Variants in DLEC1 observed in about 807,000 individuals in gnomAD.
The protein encoded by DLEC1 is deleted in lung and esophageal cancer protein 1.
A neutral mutation model predicts 198.1 loss-of-function variants in DLEC1; 146 were observed. That is an observed-to-expected ratio of 0.74 (90% CI 0.64 to 0.85). DLEC1 has a LOEUF of 0.85. Ranked by LOEUF, DLEC1 falls within the 40% of genes least tolerant of loss-of-function variation. The pLI is 0.00. For missense variants in DLEC1, 2,233 were observed against 2,220.0 expected (o/e 1.01, Z -0.12); for synonymous variants, 897 against 866.8 (o/e 1.03, Z -0.61).
intron 6 of DLEC1, among the ~76,000 whole-genome samples, chr3:38,081,797 A>T (rs1434686081): frequency 3.7e-5 from 3 of 81,100 alleles, no homozygotes; most frequent in Non-Finnish European, 7.5e-5. Flanking sequence ...CGGGGGGCTG[A>T]CCCCCCCACC....
intron 6 of DLEC1, among the ~76,000 whole-genome samples, chr3:38,082,257 T>A (rs1698081890): frequency 8.0e-6 from 1 of 125,588 alleles, no homozygotes; most frequent in Non-Finnish European, 1.6e-5. Context: ...GAAGAGGCTC[T>A]CCTCACTTCC....
rs2125699435 is a variant in DLEC1, at chr3:38,097,652, G to A, written c.2565+15G>A. ...CTGTCTTTAAGGTGCTGCAGGTGGA[G>A]CTGGGCAGTGGGGTGGGCCCAGAGA... On this transcript the variant is annotated intron_variant, in intron 17 of 36. Coordinates refer to ENST00000308059, the MANE Select transcript of DLEC1 (RefSeq NM_007335.4). 2 of 1,614,172 alleles carry A rather than the reference G, an allele frequency of 1.2e-6. No homozygotes were observed. Among genetic ancestry groups the A allele is most frequent in the South Asian group, 2.2e-5 (2 of 91,080 alleles).
chr3:38,062,319 CA>C lies in DLEC1; in HGVS notation c.825del (p.Trp276GlyfsTer3). On this transcript the variant is annotated frameshift_variant, in exon 4 of 37. Transcript: ENST00000308059. LOFTEE classifies it high-confidence loss of function. ...DELDHTVDSL[T>X]WNLTPKAKER... ...TTAGACCACACTGTGGACAGCCTGACATGGAATTTAACTCCTAAGGCCAAAG... is the reference window on the plus strand; with the variant it reads ...TTAGACCACACTGTGGACAGCCTGACTGGAATTTAACTCCTAAGGCCAAAG... The C allele has an allele frequency of 6.2e-7, 1 of 1,614,220 alleles. No individual in the cohort carries two copies. The highest frequency in any genetic ancestry group is 8.5e-7 in the Non-Finnish European group (1 of 1,180,048).
intron 27 of DLEC1, among the ~76,000 whole-genome samples, chr3:38,115,831 G>A (rs1243608188): frequency 6.6e-6 from 1 of 152,064 alleles, no homozygotes; most frequent in African/African-American, 2.4e-5. Flanking sequence ...ACATTGTCAT[G>A]GTGCAGGCTG....
intron 5 of DLEC1, among the ~76,000 whole-genome samples, chr3:38,063,171 G>GTGCC (rs1478185241): frequency 6.6e-6 from 1 of 152,216 alleles, no homozygotes; most frequent in African/African-American, 2.4e-5. Context: ...TTCTTTAAGA[G>GTGCC]TGCCTTTGCC....
intron 2 of DLEC1, among the ~76,000 whole-genome samples, chr3:38,052,564 C>T (rs1701175324): frequency 6.6e-6 from 1 of 152,192 alleles, no homozygotes; most frequent in African/African-American, 2.4e-5. Context: ...ACCGCTGCCT[C>T]CTGTGAACAG....
chr3:38,093,370 T>C (rs1698839726), intron 11 of DLEC1, among the ~76,000 whole-genome samples: 1 of 150,808 alleles, frequency 6.6e-6, no homozygotes, highest in African/African-American at 2.4e-5. Flanking sequence ...TCTCCCTTCC[T>C]CATTAATTGA....
rs1696729839 is a variant in DLEC1, at chr3:38,062,300, C to T, written c.805C>T (p.His269Tyr). Residue 269 changes from histidine (H) to tyrosine (Y), a missense_variant, in exon 4 of 37, where the codon CAC (histidine) becomes TAC (tyrosine). By Grantham distance (83) the His-to-Tyr change is moderately conservative. Coordinates refer to ENST00000308059, the MANE Select transcript of DLEC1 (RefSeq NM_007335.4). ...KLAEFEDELD[H>Y]TVDSLTWNLT... ...TGCTGAGTTCGAAGATGAGTTAGAC[C>T]ACACTGTGGACAGCCTGACATGGAA... is the stretch of plus-strand genomic sequence containing the variant. The T allele has an allele frequency of 5.6e-6, 9 of 1,614,022 alleles. No individual in the cohort carries two copies. Among genetic ancestry groups the T allele is most frequent in the Non-Finnish European group, 6.8e-6 (8 of 1,180,036 alleles).
In DLEC1 at chr3:38,064,988, G is replaced by A. The variant is rs561967533; in HGVS notation, c.1173+1069G>A. ...AGCACTTTGGGAGGCCAAGGCAGGC[G>A]GCTGGGAGGTGGAGGTTGTAGCGAG... On this transcript the variant is annotated intron_variant, in intron 6 of 36. Transcript: ENST00000308059. Among the ~76,000 whole-genome samples, 84 of 152,318 alleles carry A rather than the reference G, an allele frequency of 5.5e-4. No individual in the cohort carries two copies. The East Asian group carries it at 0.015, about 27-fold the overall frequency.
chr3:38,058,987 T>C (rs1454889351), intron 2 of DLEC1, among the ~76,000 whole-genome samples: 2 of 152,208 alleles, frequency 1.3e-5, no homozygotes, highest in African/African-American at 4.8e-5. Flanking sequence ...GGAATACCTA[T>C]AAATAATGTT....
intron 4 of DLEC1, 34 bp downstream of exon 4, chr3:38,062,402 G>A: frequency 1.9e-6 from 3 of 1,613,022 alleles, no homozygotes; most frequent in Non-Finnish European, 2.5e-6. Context: ...GCAGTGTTTG[G>A]GGGGACAGAG....
In DLEC1 at chr3:38,100,330, T is replaced by C. The variant is rs376481047; in HGVS notation, c.2769T>C (p.Ser923=). The C allele has an allele frequency of 1.2e-6, 2 of 1,613,830 alleles. No individual in the cohort carries two copies. Among genetic ancestry groups the C allele is most frequent in the South Asian group, 2.2e-5 (2 of 91,056 alleles). Residue 923 remains serine, a synonymous_variant, in exon 19 of 37, where the codon TCT becomes TCC. Transcript: ENST00000308059. ...DIEPSSGQLH[S]LGECRVDITL... is the part of the protein sequence containing the mutation. The stretch of plus-strand genomic sequence containing the variant: ...AGCCTTCGAGTGGCCAGCTTCACTC[T>C]CTGGGGGAGTGCAGGGTGGACATCA...
Position 38,060,789 on chromosome 3 carries a change from G to A in DLEC1, c.673+937G>A, listed in dbSNP as rs548940221. On this transcript the variant is annotated intron_variant, in intron 3 of 36. Transcript: ENST00000308059. ...GGCTCACCACAACCTCCATCTCCCA[G>A]GTTCAAGCAATTCTCCTTCCTCAGC... 2.0e-5 allele frequency among the ~76,000 whole-genome samples: 3 copies of A among 152,044 alleles called. No individual in the cohort carries two copies. In the East Asian group the frequency reaches 5.8e-4, roughly 29 times the overall value.
intron 2 of DLEC1, among the ~76,000 whole-genome samples, chr3:38,046,789 C>G (rs879770034): frequency 3.3e-5 from 5 of 152,128 alleles, no homozygotes; most frequent in Non-Finnish European, 7.3e-5. Context: ...TTTTCCCCCC[C>G]TCAGGCCCAG....
intron 2 of DLEC1, among the ~76,000 whole-genome samples, chr3:38,056,564 C>T (rs1376429797): frequency 1.3e-5 from 2 of 152,214 alleles, no homozygotes; most frequent in African/African-American, 2.4e-5. Flanking sequence ...CCCACCTCGG[C>T]CTCCCAAAGT....
chr3:38,061,856 G>C (rs1378106725), intron 3 of DLEC1, among the ~76,000 whole-genome samples: 4 of 152,124 alleles, frequency 2.6e-5, no homozygotes, highest in African/African-American at 9.7e-5. Flanking sequence ...ATTTTTTGTA[G>C]AGATAGGGTC....
chr3:38,109,777 G>A (rs1158552665), intron 22 of DLEC1: 3 of 863,438 alleles, frequency 3.5e-6, no homozygotes, highest in African/African-American at 1.7e-5. Context: ...ACACACACTT[G>A]GAGGCGTGGT....
chr3:38,095,796 G>T, intron 13 of DLEC1, 92 bp from the exon 14 acceptor site: 1 of 1,527,888 alleles, frequency 6.5e-7, no homozygotes, highest in South Asian at 1.1e-5. Flanking sequence ...GCTAGGCTAA[G>T]GGGAGGAAGA....
rs547441355 is a variant in DLEC1 at position 38,048,344 on chromosome 3, T to G, written c.562+2651T>G. On this transcript the variant is annotated intron_variant, in intron 2 of 36. Transcript: ENST00000308059. ...TCTTGAAAATTCTTGAAAATTATCA[T>G]TTTCCAGTGCAGTAGACAGAAAAGA... Among the ~76,000 whole-genome samples the G allele has an allele frequency of 2.0e-5, 3 of 152,336 alleles. No individual in the cohort carries two copies. The South Asian group carries it at 6.2e-4, about 32-fold the overall frequency.
Sources: gnomAD v4.1 joint callset for allele counts (sites outside exome capture counted in the v4.1 genomes callset) on GRCh38, gnomAD v4.1.1 for gene constraint, MANE v1.5 for transcripts, NCBI Gene and HGNC (gene_info 2026-07-23, HGNC 2026-07-21) for gene names.